Variants in CYP4Z1 observed in about 807,000 individuals in gnomAD.
CYP4Z1 encodes the protein cytochrome P450 family 4 subfamily Z member 1.
CYP4Z1 carries 41 observed loss-of-function variants against 54.2 expected under a neutral mutation model. The observed-to-expected ratio is 0.76, with a 90% CI of 0.59 to 0.98. CYP4Z1 has a LOEUF of 0.98. Ranked by LOEUF, CYP4Z1 falls within the 50% of genes least tolerant of loss-of-function variation. The probability of loss-of-function intolerance (pLI) is 0.00; values close to 1 mark genes in which losing one functional copy is unlikely to be tolerated. For synonymous variants in CYP4Z1, 163 were observed against 206.2 expected, an observed-to-expected ratio of 0.79 and a Z score of 1.79; for missense variants, 513 against 599.0, an observed-to-expected ratio of 0.86 and a Z score of 1.50.
At chr1:47,114,630 G>T (rs1242136491) in intron 9 of CYP4Z1, among the ~76,000 whole-genome samples, 1 of 120,450 alleles carries the variant, frequency 8.3e-6, no homozygotes, top group Non-Finnish European at 1.7e-5. Context: ...CAACAAGAAG[G>T]TGAAGGATAT....
At position 47,068,763 on chromosome 1, in the gene CYP4Z1, G is replaced by A. The variant is rs181315648; in HGVS notation, c.319G>A (p.Asp107Asn). 3 of 1,613,622 alleles carry A rather than the reference G, an allele frequency of 1.9e-6. No homozygotes were observed. Among genetic ancestry groups the A allele is most frequent in the Non-Finnish European group, 2.5e-6 (3 of 1,179,874 alleles). The change falls in exon 2 of 12, where the codon GAT becomes AAT. Residue 107 changes from aspartate (D) to asparagine (N), a missense_variant and splice_region_variant. Coordinates refer to ENST00000334194, the MANE Select transcript of CYP4Z1 (RefSeq NM_178134.3). ...TGCCAAGATTCTCCTGAAAAGACAA[G>A]GTAAAAACCAAGAGGGGCTCACAGT... ...DYAKILLKRQ[D>N]PKSAVSHKIL...
intron 4 of CYP4Z1, among the ~76,000 whole-genome samples, chr1:47,083,320 C>T (rs768348911): frequency 2.6e-5 from 4 of 152,186 alleles, no homozygotes; most frequent in African/African-American, 9.6e-5. Context: ...GCCCACGTCC[C>T]ACTCCAAAAT....
intron 2 of CYP4Z1, among the ~76,000 whole-genome samples, chr1:47,076,844 CAAAA>C (rs59854360): frequency 7.4e-5 from 6 of 81,418 alleles, no homozygotes; most frequent in Admixed American, 2.7e-4. Context: ...GACGCTGTCT[CAAAA>C]AAAAAAAAAA....
chr1:47,106,313 A>C, intron 9 of CYP4Z1, 52 bp downstream of exon 9: 23 of 1,570,182 alleles, frequency 1.5e-5, no homozygotes, highest in Non-Finnish European at 1.9e-5. Context: ...CTGGATTGAA[A>C]TGTCTTAACA....
In CYP4Z1 at chr1:47,116,705, C is replaced by T. The variant is rs766916827; in HGVS notation, c.1322C>T (p.Ala441Val). 1.2e-6 allele frequency: 2 copies of T among 1,611,108 alleles called. No homozygotes were observed. Among genetic ancestry groups the T allele is most frequent in the East Asian group, 4.5e-5 (2 of 44,826 alleles). The change falls in exon 11 of 12, where the codon GCC becomes GTC. Residue 441 changes from alanine to valine, a missense_variant. Physicochemically the swap from Ala to Val is moderately conservative, Grantham distance 64. Transcript: ENST00000334194. ...RENSEKIHPY[A>V]FIPFSAGLRN... is the part of the protein sequence containing the mutation. ...AATTCTGAAAAAATACATCCCTATGCCTTCATACCATTCTCAGCTGGATTA... is the reference window on the plus strand; with the variant it reads ...AATTCTGAAAAAATACATCCCTATGTCTTCATACCATTCTCAGCTGGATTA...
chr1:47,103,577 T>A (rs1644735621), intron 8 of CYP4Z1, among the ~76,000 whole-genome samples: 1 of 143,770 alleles, frequency 7.0e-6, no homozygotes, highest in Admixed American at 7.1e-5. Flanking sequence ...ACCTTCTTCT[T>A]TTTTTTTTCT....
Position 47,097,906 on chromosome 1 carries a change from C to G in CYP4Z1, c.877-1188C>G, listed in dbSNP as rs1436124692. On this transcript the variant is annotated intron_variant, in intron 7 of 11. Coordinates refer to ENST00000334194, the MANE Select transcript of CYP4Z1 (RefSeq NM_178134.3). Reference sequence around the variant, plus strand: ...TCCTGGCTCACTGCAACCTCCACCTCCCAGGTTCAAGTGATTCTCATGTCT... The same window carrying G: ...TCCTGGCTCACTGCAACCTCCACCTGCCAGGTTCAAGTGATTCTCATGTCT... Among the ~76,000 whole-genome samples the G allele has an allele frequency of 2.0e-5, 3 of 151,276 alleles. No homozygotes were observed. In the East Asian group the frequency reaches 5.8e-4, roughly 29 times the overall value.
At chr1:47,105,473 C>T (rs529030615) in intron 8 of CYP4Z1, among the ~76,000 whole-genome samples, 2 of 152,232 alleles carry the variant, frequency 1.3e-5, no homozygotes, top group Non-Finnish European at 1.5e-5. Flanking sequence ...TGTAGGAGTC[C>T]GTGGTGGGAA....
intron 9 of CYP4Z1, among the ~76,000 whole-genome samples, chr1:47,111,229 G>C (rs1039567661): frequency 6.6e-6 from 1 of 151,932 alleles, no homozygotes; most frequent in Non-Finnish European, 1.5e-5. Flanking sequence ...TGTTGCCCAG[G>C]CTGGAGTGCA....
chr1:47,068,959 C>T (rs892951946), intron 2 of CYP4Z1, among the ~76,000 whole-genome samples, 196 bp downstream of exon 2: 20 of 152,178 alleles, frequency 1.3e-4, no homozygotes, highest in Non-Finnish European at 2.6e-4. Flanking sequence ...TTCTCTGATC[C>T]ATTTTCAAGC....
Position 47,082,324 on chromosome 1 carries a change from A to G in CYP4Z1, c.365-10A>G, listed in dbSNP as rs375381087. On this transcript the variant is annotated splice_polypyrimidine_tract_variant and intron_variant, in intron 3 of 11. Coordinates refer to ENST00000334194, the MANE Select transcript of CYP4Z1 (RefSeq NM_178134.3). ...TCTGATAGAAACAGTTGCCCCTCTC[A>G]TTTCATAAGGTCGAGGACTTGTGAC... 6 of 1,588,820 alleles carry G rather than the reference A, an allele frequency of 3.8e-6. No individual in the cohort carries two copies. The African/African-American group carries it at 6.8e-5, about 18-fold the overall frequency.
At chr1:47,083,915 C>A (rs1377866687) in intron 4 of CYP4Z1, among the ~76,000 whole-genome samples, 1 of 151,972 alleles carries the variant, frequency 6.6e-6, no homozygotes, top group East Asian at 1.9e-4. Flanking sequence ...ATTTTAGTAA[C>A]GTGTTTGGAA....
chr1:47,057,368 A>G, the CYP4Z1 span, among the ~76,000 whole-genome samples: 2 of 108,962 alleles, frequency 1.8e-5, no homozygotes, highest in African/African-American at 3.3e-5. Context: ...ATATATATAT[A>G]TATATATATG....
chr1:47,082,191 A>C, intron 3 of CYP4Z1, 143 bp from the exon 4 acceptor site: 1 of 1,027,038 alleles, frequency 9.7e-7, no homozygotes. Flanking sequence ...GATTAGGTCT[A>C]CTCCTGCTCA....
intron 7 of CYP4Z1, among the ~76,000 whole-genome samples, 160 bp downstream of exon 7, chr1:47,094,829 G>A (rs1644665634): frequency 1.3e-5 from 2 of 152,076 alleles, no homozygotes; most frequent in African/African-American, 4.8e-5. Context: ...CCAACATAGT[G>A]AAACCTGGTC....
intron 9 of CYP4Z1, among the ~76,000 whole-genome samples, chr1:47,107,029 A>C (rs1644761789): frequency 6.6e-6 from 1 of 152,220 alleles, no homozygotes; most frequent in Non-Finnish European, 1.5e-5. Context: ...AGCAATATTT[A>C]ATTGCTACTG....
At position 47,067,593 on chromosome 1, in the gene CYP4Z1, A is replaced by G. The variant is rs1644459359; in HGVS notation, c.103A>G (p.Arg35Gly). ...LLFQVIRLYQ[R>G]RRWMIRALHL... ...GTTTCAGGTAATCAGGTTGTACCAG[A>G]GGAGGAGATGGATGATCAGAGCCCT... is the stretch of plus-strand genomic sequence containing the variant. The change falls in exon 1 of 12, where the codon AGG becomes GGG. Residue 35 changes from arginine to glycine, a missense_variant. Arg to Gly is a moderately radical substitution (Grantham distance 125). Coordinates refer to ENST00000334194, the MANE Select transcript of CYP4Z1 (RefSeq NM_178134.3). The G allele has an allele frequency of 1.2e-6, 2 of 1,613,576 alleles. No homozygotes were observed. Among genetic ancestry groups the G allele is most frequent in the Admixed American group, 1.7e-5 (1 of 59,978 alleles).
At chr1:47,060,863 C>T in the CYP4Z1 span, among the ~76,000 whole-genome samples, 6 of 152,210 alleles carry the variant, frequency 3.9e-5, no homozygotes, top group African/African-American at 1.4e-4. Flanking sequence ...ACTGTCAGAG[C>T]ACAGTGCAAT....
chr1:47,057,578 G>C, the CYP4Z1 span, among the ~76,000 whole-genome samples: 1 of 144,754 alleles, frequency 6.9e-6, no homozygotes, highest in African/African-American at 2.6e-5. Flanking sequence ...TGCTCATCCA[G>C]TGAGTTTCTA....
Sources: allele counts gnomAD v4.1 joint callset (sites outside exome capture counted in the v4.1 genomes callset), GRCh38; gene constraint gnomAD v4.1.1; transcripts MANE v1.5; gene names NCBI Gene and HGNC (gene_info 2026-07-23, HGNC 2026-07-21).